Variants in EGFL7 observed in about 807,000 individuals in gnomAD.
EGFL7 encodes epidermal growth factor-like protein 7.
A neutral mutation model predicts 37.1 loss-of-function variants in EGFL7; 48 were observed. The observed-to-expected ratio is 1.29, with a 90% CI of 1.03 to 1.65. The LOEUF is 1.65. Ranked by LOEUF, EGFL7 falls within the 40% of genes most tolerant of loss-of-function variation. EGFL7 has a pLI of 0.00. For synonymous variants in EGFL7, 180 were observed against 156.8 expected, an observed-to-expected ratio of 1.15 and a Z score of -1.10; for missense variants, 384 against 378.9, an observed-to-expected ratio of 1.01 and a Z score of -0.11.
At chr9:136,671,282 G>C (rs867724594) in intron 9 of EGFL7, among the ~76,000 whole-genome samples, 2 of 123,180 alleles carry the variant, frequency 1.6e-5, no homozygotes, top group South Asian at 3.2e-4. Context: ...AGGCGTCGGG[G>C]GGGGAGGCAG....
upstream of EGFL7, among the ~76,000 whole-genome samples, chr9:136,661,988 T>C (rs1455526756): frequency 6.6e-6 from 1 of 152,194 alleles, no homozygotes; most frequent in African/African-American, 2.4e-5. Context: ...CCCAGCTCCC[T>C]TCGGCACCGT....
chr9:136,670,112 C>T (rs1002950372), intron 7 of EGFL7, 57 bp from the exon 8 acceptor site: 2 of 1,609,374 alleles, frequency 1.2e-6, no homozygotes, highest in Non-Finnish European at 1.7e-6. Flanking sequence ...GTGAAGGGAG[C>T]TGTGTGGGCA....
At chr9:136,661,180 G>A (rs1845123447), upstream of EGFL7, among the ~76,000 whole-genome samples, 1 of 152,162 alleles carries the variant, frequency 6.6e-6, no homozygotes, top group Non-Finnish European at 1.5e-5. Flanking sequence ...ACAGCCAGGG[G>A]CGAGGGCAGA....
chr9:136,666,882 C>A lies in EGFL7; in HGVS notation c.-42-1359C>A, dbSNP rs1158305828. ...TCTCCAGCCAGCTCTGCCCCCTCGA[C>A]AAACTCCTGCCCAAAAACTGCTGTG... On this transcript the variant is annotated intron_variant, in intron 3 of 10. Coordinates refer to ENST00000308874, the MANE Select transcript of EGFL7 (RefSeq NM_016215.5). The surrounding 1 kb of genome is among the most constrained non-coding windows in gnomAD (Gnocchi z 6.8). Among the ~76,000 whole-genome samples, 1 of 152,086 alleles carries A rather than the reference C, an allele frequency of 6.6e-6. No homozygotes were observed. The highest frequency in any genetic ancestry group is 1.9e-4 in the East Asian group (1 of 5,162).
chr9:136,661,959 G>A (rs1845171625), upstream of EGFL7, among the ~76,000 whole-genome samples: 1 of 152,312 alleles, frequency 6.6e-6, no homozygotes, highest in East Asian at 1.9e-4. Context: ...TGGGGTTCCA[G>A]GCGTGCCCTC....
chr9:136,661,729 G>T (rs1262485903), upstream of EGFL7, among the ~76,000 whole-genome samples: 1 of 152,190 alleles, frequency 6.6e-6, no homozygotes, highest in Admixed American at 6.5e-5. Flanking sequence ...TGTGGGTGAG[G>T]TTTCCACCTG....
intron 5 of EGFL7, among the ~76,000 whole-genome samples, chr9:136,668,958 C>T (rs1280499493): frequency 6.6e-6 from 1 of 152,152 alleles, no homozygotes; most frequent in Non-Finnish European, 1.5e-5. Flanking sequence ...CCTGTCTGCA[C>T]CCCTCCACTT....
chr9:136,663,474 G>T lies in EGFL7; in HGVS notation c.-286G>T. On this transcript the variant is annotated 5_prime_UTR_variant, in exon 2 of 11. Coordinates refer to ENST00000308874, the MANE Select transcript of EGFL7 (RefSeq NM_016215.5). ...CCCGCTGTGAGGGGCTTCGCGCTAC[G>T]CCCTGCGGTGTCCCGAGGGCTGAGG... The T allele has an allele frequency of 6.6e-6, 1 of 152,402 alleles. No individual in the cohort carries two copies. The allele number at this position is 152,402 out of a possible 1,614,324, so 9.4% of individuals were successfully genotyped here.
upstream of EGFL7, among the ~76,000 whole-genome samples, chr9:136,659,794 C>T (rs559536210): frequency 6.6e-6 from 1 of 152,380 alleles, no homozygotes; most frequent in African/African-American, 2.4e-5. Context: ...CCTGCCGGGC[C>T]TCCACCTCTG....
intron 3 of EGFL7, among the ~76,000 whole-genome samples, chr9:136,665,324 G>T (rs1486402200): frequency 6.6e-6 from 1 of 152,266 alleles, no homozygotes; most frequent in Non-Finnish European, 1.5e-5. Flanking sequence ...TGCCTGCGAG[G>T]CTGCAGGACC....
intron 3 of EGFL7, among the ~76,000 whole-genome samples, chr9:136,665,209 C>T (rs1845384350): frequency 6.6e-6 from 1 of 152,188 alleles, no homozygotes; most frequent in African/African-American, 2.4e-5. Context: ...GCAGGGGCCC[C>T]CAACCTAACA....
At position 136,672,496 on chromosome 9, in the gene EGFL7, T is replaced by C. The variant is rs1396952573; in HGVS notation, c.*210T>C. 3.6e-5 allele frequency: 23 copies of C among 638,042 alleles called. No individual in the cohort carries two copies. Among genetic ancestry groups the C allele is most frequent in the Non-Finnish European group, 5.7e-5 (21 of 369,860 alleles). 39.5% of individuals were successfully genotyped at this position (638,042 alleles called of 1,614,324 possible). The stretch of plus-strand genomic sequence containing the variant: ...GGGATCTTCTCTGTGAATCCACCCC[T>C]GGCTACCCCCACCCTGGCTACCCCA... On this transcript the variant is annotated 3_prime_UTR_variant, in exon 11 of 11. Transcript: ENST00000308874.
Position 136,672,259 on chromosome 9 carries a change from C to T in EGFL7, c.800-5C>T, listed in dbSNP as rs748112821. ...ATCTCTGACCTTCGCCTCATCCAAC[C>T]CTAGGCTCCTGCAAGAAAGACTCGT... is the stretch of plus-strand genomic sequence containing the variant. On this transcript the variant is annotated splice_region_variant and splice_polypyrimidine_tract_variant and intron_variant, in intron 10 of 10. Transcript: ENST00000308874. 1.2e-6 allele frequency: 2 copies of T among 1,613,436 alleles called. No homozygotes were observed. The highest frequency in any genetic ancestry group is 1.7e-6 in the Non-Finnish European group (2 of 1,179,954).
In EGFL7 at chr9:136,666,732, C is replaced by T. The variant is rs73668351; in HGVS notation, c.-42-1509C>T. 0.15 allele frequency among the ~76,000 whole-genome samples: 22,744 copies of T among 152,028 alleles called. 1,875 individuals carry two copies. Among genetic ancestry groups the T allele is most frequent in the African/African-American group, 0.23 (9,341 of 41,442 alleles). On this transcript the variant is annotated intron_variant, in intron 3 of 10. Coordinates refer to ENST00000308874, the MANE Select transcript of EGFL7 (RefSeq NM_016215.5). This position sits in a 1 kb window ranked among gnomAD's most constrained non-coding sequence, Gnocchi z 6.8. ...CTGCCCACATCAAGCCGCCGGGCCG[C>T]TGCCCTACCTCTTCCTTCCCGGGTC...
In EGFL7 at chr9:136,670,995, G is replaced by C. The variant is rs865816296; in HGVS notation, c.617G>C (p.Arg206Thr). 1 of 1,368,708 alleles carries C rather than the reference G, an allele frequency of 7.3e-7. No individual in the cohort carries two copies. The highest frequency in any genetic ancestry group is 5.2e-5 in the East Asian group (1 of 19,140). The allele number at this position is 1,368,708 out of a possible 1,614,324, so 84.8% of individuals were successfully genotyped here. Residue 206 changes from arginine to threonine, a missense_variant, in exon 9 of 11, where the codon AGG (arginine) becomes ACG (threonine). Coordinates refer to ENST00000308874, the MANE Select transcript of EGFL7 (RefSeq NM_016215.5). ...MKEEVQRLQS[R>T]VDLLEEKLQL... is the part of the protein sequence containing the mutation. ...GAAGAAGTGCAGAGGCTGCAGTCCAGGGTGGACCTGCTGGAGGAGGTGAGG... is the reference window on the plus strand; with the variant it reads ...GAAGAAGTGCAGAGGCTGCAGTCCACGGTGGACCTGCTGGAGGAGGTGAGG...
intron 1 of EGFL7, 146 bp from the exon 2 acceptor site, chr9:136,663,262 C>A (rs1408615726): frequency 1.3e-5 from 2 of 152,354 alleles, no homozygotes; most frequent in African/African-American, 4.8e-5. Flanking sequence ...CCCTTCTGCA[C>A]AGAGGAGGCC....
intron 8 of EGFL7, 39 bp from the exon 9 acceptor site, chr9:136,670,911 G>A: frequency 2.6e-6 from 4 of 1,542,612 alleles, no homozygotes; most frequent in African/African-American, 1.4e-5. Context: ...TGGGTGGGGA[G>A]CCGGCCGGCC....
intron 3 of EGFL7, 81 bp from the exon 4 acceptor site, chr9:136,668,160 G>A: frequency 1.3e-6 from 1 of 774,002 alleles, no homozygotes; most frequent in South Asian, 1.8e-5. Flanking sequence ...AGCTGGGCAG[G>A]CCTCGCGGAG....
chr9:136,666,172 C>T lies in EGFL7; in HGVS notation c.-43+1387C>T, dbSNP rs1845462024. On this transcript the variant is annotated intron_variant, in intron 3 of 10. Transcript: ENST00000308874. The surrounding 1 kb of genome is among the most constrained non-coding windows in gnomAD (Gnocchi z 6.8). ...GGCCCAGCCTGTGCCGCCTGCTCCG[C>T]CCCCCGCGAACCCCGGAGCCAGCAG... Among the ~76,000 whole-genome samples, 1 of 150,446 alleles carries T rather than the reference C, an allele frequency of 6.6e-6. No individual in the cohort carries two copies. Among genetic ancestry groups the T allele is most frequent in the African/African-American group, 2.4e-5 (1 of 41,264 alleles).
Sources: gnomAD v4.1 joint callset for allele counts (sites outside exome capture counted in the v4.1 genomes callset) on GRCh38, gnomAD v4.1.1 for gene constraint, Gnocchi (gnomAD v3.1) non-coding constraint, MANE v1.5 for transcripts, NCBI Gene and HGNC (gene_info 2026-07-23, HGNC 2026-07-21) for gene names.